The following APLP2 variants were observed in gnomAD, a reference collection of about 807,000 sequenced individuals.
The protein encoded by APLP2 is CDEI box-binding protein.
APLP2 carries 53 observed loss-of-function variants against 89.9 expected under a neutral mutation model. The observed-to-expected ratio is 0.59, with a 90% confidence interval of 0.47 to 0.74. APLP2 has a LOEUF of 0.74. APLP2 is among the 30% of genes least tolerant of loss of function. The pLI, the probability that APLP2 is intolerant of heterozygous loss-of-function variation, is 0.00. For synonymous variants in APLP2, 372 were observed against 348.6 expected (o/e 1.07, Z -0.75); for missense variants, 973 against 975.9 (o/e 1.00, Z 0.04).
At chr11:130,115,906 T>C (rs916458021) in intron 3 of APLP2, among the ~76,000 whole-genome samples, 3 of 152,156 alleles carry the variant, frequency 2.0e-5, no homozygotes, top group African/African-American at 7.2e-5. Context: ...GAAGTTTGCA[T>C]TGGGGGAAGG....
chr11:130,099,098 A>G (rs1946577204), intron 1 of APLP2, among the ~76,000 whole-genome samples: 1 of 152,130 alleles, frequency 6.6e-6, no homozygotes, highest in Non-Finnish European at 1.5e-5. Context: ...CCAACTTCAC[A>G]CCATTTAGAT....
At chr11:130,089,619 T>C (rs1944608872) in intron 1 of APLP2, among the ~76,000 whole-genome samples, 1 of 152,384 alleles carries the variant, frequency 6.6e-6, no homozygotes, top group East Asian at 1.9e-4. Flanking sequence ...CTAGAGCTGC[T>C]GTAACAAAGA....
At chr11:130,107,642 A>G (rs1438785347) in intron 1 of APLP2, among the ~76,000 whole-genome samples, 1 of 152,208 alleles carries the variant, frequency 6.6e-6, no homozygotes. Flanking sequence ...ATACTGCCCA[A>G]GGTAATTTGT....
At chr11:130,087,586 C>T (rs1393176383) in intron 1 of APLP2, among the ~76,000 whole-genome samples, 1 of 151,956 alleles carries the variant, frequency 6.6e-6, no homozygotes, top group Admixed American at 6.5e-5. Context: ...TTGTTGAAAA[C>T]GAGGAAAAGA....
At chr11:130,140,092 C>CT (rs1952165337) in intron 13 of APLP2, among the ~76,000 whole-genome samples, 1 of 152,168 alleles carries the variant, frequency 6.6e-6, no homozygotes, top group South Asian at 2.1e-4. Flanking sequence ...TGCCCCTCGG[C>CT]TCCGCTTCTA....
intron 1 of APLP2, among the ~76,000 whole-genome samples, chr11:130,071,065 G>A (rs1940973833): frequency 6.6e-6 from 1 of 152,340 alleles, no homozygotes; most frequent in Non-Finnish European, 1.5e-5. Flanking sequence ...TTGAACTGCT[G>A]GTCTGGAATG....
chr11:130,103,955 C>T (rs1947287644), intron 1 of APLP2, among the ~76,000 whole-genome samples: 2 of 152,174 alleles, frequency 1.3e-5, no homozygotes, highest in African/African-American at 4.8e-5. Flanking sequence ...AAGCACATTC[C>T]TTCCGACCTG....
chr11:130,073,118 A>G (rs991337208), intron 1 of APLP2, among the ~76,000 whole-genome samples: 3 of 152,232 alleles, frequency 2.0e-5, no homozygotes, highest in Admixed American at 2.0e-4. Context: ...AGTATTTCCT[A>G]TGAAAATTTA....
chr11:130,110,513 G>A, intron 2 of APLP2, 25 bp from the exon 3 acceptor site: 1 of 1,609,698 alleles, frequency 6.2e-7, no homozygotes, highest in South Asian at 1.1e-5. Flanking sequence ...TTGATTTATT[G>A]TGTGTGTGTT....
At chr11:130,125,231 C>T (rs1031965284) in intron 7 of APLP2, among the ~76,000 whole-genome samples, 19 of 152,186 alleles carry the variant, frequency 1.2e-4, no homozygotes, top group Non-Finnish European at 2.2e-4. Context: ...CAGAAAAAAG[C>T]ATTTCGGCCC....
rs1952386935 is a variant in APLP2 at position 130,141,519 on chromosome 11, G to A, written c.1945G>A (p.Val649Ile). 5 of 1,614,040 alleles carry A rather than the reference G, an allele frequency of 3.1e-6. No individual in the cohort carries two copies. Among genetic ancestry groups the A allele is most frequent in the African/African-American group, 2.7e-5 (2 of 75,018 alleles). The change falls in exon 15 of 17, where the codon GTT (valine) becomes ATT (isoleucine). Residue 649 changes from valine (V) to isoleucine (I), a missense_variant. Coordinates refer to ENST00000338167, the MANE Select transcript of APLP2 (RefSeq NM_001142276.2). This position sits in a 1 kb window ranked among gnomAD's most constrained non-coding sequence, Gnocchi z 4.2. ...ENMVIDETLDVKEMIFNAERV... is the reference protein window; with the variant it reads ...ENMVIDETLDIKEMIFNAERV... ...TCAGGTCATTGACGAGACTCTGGAT[G>A]TTAAGGAAATGATTTTCAATGCCGA...
chr11:130,073,019 T>A (rs1941422002), intron 1 of APLP2, among the ~76,000 whole-genome samples: 1 of 152,238 alleles, frequency 6.6e-6, no homozygotes, highest in South Asian at 2.1e-4. Context: ...AAAATCTGAT[T>A]CAGTGGTTGG....
chr11:130,121,810 G>C lies in APLP2; in HGVS notation c.713G>C (p.Ser238Thr). 1 of 1,609,124 alleles carries C rather than the reference G, an allele frequency of 6.2e-7. No individual in the cohort carries two copies. The highest frequency in any genetic ancestry group is 8.5e-7 in the Non-Finnish European group (1 of 1,179,848). Residue 238 changes from serine (S) to threonine (T), a missense_variant and splice_region_variant, in exon 5 of 17, where the codon AGT (serine) becomes ACT (threonine). Ser to Thr is a moderately conservative substitution (Grantham distance 58, BLOSUM62 1). Coordinates refer to ENST00000338167, the MANE Select transcript of APLP2 (RefSeq NM_001142276.2). Reference protein sequence around the residue: ...DEEEDYDVYKSEFPTEADLED... With the variant: ...DEEEDYDVYKTEFPTEADLED... ...GAGGAAGACTATGATGTTTATAAAAGGTAACTCTTCTACTTTGAACTGTGA... is the reference window on the plus strand; with the variant it reads ...GAGGAAGACTATGATGTTTATAAAACGTAACTCTTCTACTTTGAACTGTGA...
intron 1 of APLP2, among the ~76,000 whole-genome samples, chr11:130,091,811 C>T (rs1186058739): frequency 2.5e-4 from 36 of 146,368 alleles, no homozygotes; most frequent in African/African-American, 8.8e-4. Context: ...GCTGGTCGGG[C>T]GGGGGGCTGA....
intron 9 of APLP2, 37 bp downstream of exon 9, chr11:130,127,877 G>T: frequency 6.3e-7 from 1 of 1,585,014 alleles, no homozygotes. Context: ...CTTTCAGCCT[G>T]ACCATTGGAA....
In APLP2 at chr11:130,126,827, C is replaced by G; in HGVS notation, c.1218C>G (p.Asp406Glu). The change falls in exon 8 of 17, where the codon GAC becomes GAG. Residue 406 changes from aspartate (D) to glutamate (E), a missense_variant. Transcript: ENST00000338167. ...QLEIRHRNRM[D>E]RVKKEWEEAE... ...AGATTCGGCACCGCAACCGAATGGA[C>G]AGGGTAAACCTTGACAATTTCTTCA... is the stretch of plus-strand genomic sequence containing the variant. 1 of 1,614,172 alleles carries G rather than the reference C, an allele frequency of 6.2e-7. No homozygotes were observed. The highest frequency in any genetic ancestry group is 8.5e-7 in the Non-Finnish European group (1 of 1,179,984).
chr11:130,099,789 C>T (rs929332030), intron 1 of APLP2, among the ~76,000 whole-genome samples: 12 of 152,166 alleles, frequency 7.9e-5, no homozygotes, highest in African/African-American at 2.7e-4. Flanking sequence ...GTGGCCTCTT[C>T]CCTTGTGCAC....
At chr11:130,108,054 A>T (rs1591805248) in intron 1 of APLP2, among the ~76,000 whole-genome samples, 1 of 152,250 alleles carries the variant, frequency 6.6e-6, no homozygotes, top group African/African-American at 2.4e-5. Flanking sequence ...CACCTTATAC[A>T]AAAATTAATT....
At chr11:130,096,973 A>T (rs1946290105) in intron 1 of APLP2, among the ~76,000 whole-genome samples, 1 of 152,350 alleles carries the variant, frequency 6.6e-6, no homozygotes, top group South Asian at 2.1e-4. Context: ...GTTGATAATT[A>T]CAATAATGCA....
Sources: gnomAD v4.1 joint callset for allele counts (sites outside exome capture counted in the v4.1 genomes callset) on GRCh38, gnomAD v4.1.1 for gene constraint, Gnocchi (gnomAD v3.1) non-coding constraint, MANE v1.5 for transcripts, NCBI Gene and HGNC (gene_info 2026-07-23, HGNC 2026-07-21) for gene names.